The following CAGE1 variants were observed in gnomAD, a reference collection of about 807,000 sequenced individuals.
The protein encoded by CAGE1 is cancer-associated gene 1 protein.
In CAGE1, 66 loss-of-function variants were observed where a neutral mutation model predicts 94.9. The ratio of observed to expected loss-of-function variants is 0.70; its 90% CI spans 0.57 to 0.85. The LOEUF (loss-of-function observed/expected upper bound fraction) is 0.85. Among genes scored for constraint, CAGE1 ranks in the 40% least tolerant of loss-of-function variants. The pLI is 0.00. For synonymous variants in CAGE1, 319 were observed against 321.0 expected (o/e 0.99, Z 0.07); for missense variants, 865 against 950.4 (o/e 0.91, Z 1.18).
rs377555769 is a variant in CAGE1, at chr6:7,378,817, C to T, written c.487G>A (p.Glu163Lys). ...ACACTAGTTTCCATTGGATTTTCTT[C>T]CTTAAATGAGTCTTGCTTTATATTG... ...DNNIKQDSFK[E>K]ENPMETSVSA... The change falls in exon 4 of 14, where the codon GAA becomes AAA. Residue 163 changes from glutamate (E) to lysine (K), a missense_variant. Physicochemically the swap from Glu to Lys is moderately conservative, Grantham distance 56 (BLOSUM62 1). Transcript: ENST00000502583. The T allele has an allele frequency of 4.4e-5, 71 of 1,613,296 alleles. No individual in the cohort carries two copies. The South Asian group carries it at 4.9e-4, about 11-fold the overall frequency.
At chr6:7,384,464 T>C (rs1343794932) in intron 3 of CAGE1, among the ~76,000 whole-genome samples, 1 of 152,184 alleles carries the variant, frequency 6.6e-6, no homozygotes, top group Non-Finnish European at 1.5e-5. Context: ...AGATTTACTT[T>C]AATAAACATG....
chr6:7,386,365 T>C (rs1490689530), intron 2 of CAGE1, among the ~76,000 whole-genome samples: 1 of 152,224 alleles, frequency 6.6e-6, no homozygotes, highest in East Asian at 1.9e-4. Context: ...CATTACAATC[T>C]TTTATTTTTT....
intron 11 of CAGE1, among the ~76,000 whole-genome samples, chr6:7,338,596 G>T (rs576389148): frequency 4.3e-4 from 65 of 152,092 alleles, no homozygotes; most frequent in African/African-American, 1.5e-3. Context: ...GCTATATAAG[G>T]TAACATTCAC....
chr6:7,380,070 C>A lies in CAGE1; in HGVS notation c.284-1050G>T, dbSNP rs149424649. Among the ~76,000 whole-genome samples, 629 of 152,294 alleles carry A rather than the reference C, an allele frequency of 4.1e-3. 3 individuals are homozygous for A. The highest frequency in any genetic ancestry group is 0.014 in the African/African-American group (591 of 41,566). On this transcript the variant is annotated intron_variant, in intron 3 of 13. Transcript: ENST00000502583. Reference sequence around the variant, plus strand: ...AGATTGGAGACCACCACTCTCACTTCCTATTCCACAATGATTTTCATACGG... The same window carrying A: ...AGATTGGAGACCACCACTCTCACTTACTATTCCACAATGATTTTCATACGG...
chr6:7,345,555 C>T (rs1378396109), intron 11 of CAGE1, among the ~76,000 whole-genome samples: 1 of 152,226 alleles, frequency 6.6e-6, no homozygotes, highest in East Asian at 1.9e-4. Flanking sequence ...AAGTAGTTTT[C>T]TTTCAGCCTT....
chr6:7,337,533 A>G (rs984349889), intron 11 of CAGE1, among the ~76,000 whole-genome samples: 1 of 152,070 alleles, frequency 6.6e-6, no homozygotes, highest in Admixed American at 6.6e-5. Flanking sequence ...TTTTGAGTTT[A>G]CTTCGTATGT....
chr6:7,367,549 A>G (rs530287266), intron 7 of CAGE1, among the ~76,000 whole-genome samples: 1 of 152,140 alleles, frequency 6.6e-6, no homozygotes, highest in African/African-American at 2.4e-5. Flanking sequence ...TGCTGGGATT[A>G]CAGGCATGAG....
chr6:7,341,730 G>A, intron 11 of CAGE1: 1 of 695,472 alleles, frequency 1.4e-6, no homozygotes, highest in Non-Finnish European at 2.7e-6. Context: ...CAGGCGCCAG[G>A]AAGGCCTCGC....
intron 12 of CAGE1, chr6:7,331,507 C>T: frequency 2.4e-6 from 1 of 415,754 alleles, no homozygotes; most frequent in Non-Finnish European, 4.5e-6. Context: ...ACACCAGTCT[C>T]AATGTCTCTG....
At chr6:7,365,083 A>G (rs1207264832) in intron 9 of CAGE1, among the ~76,000 whole-genome samples, 1 of 152,174 alleles carries the variant, frequency 6.6e-6, no homozygotes, top group Non-Finnish European at 1.5e-5. Flanking sequence ...TATCTTTACA[A>G]TACCATCTAA....
intron 12 of CAGE1, 134 bp downstream of exon 12, chr6:7,333,888 G>C: frequency 1.9e-6 from 1 of 526,628 alleles, no homozygotes; most frequent in East Asian, 3.8e-5. Context: ...GGCTGGTCTC[G>C]AACTCCTGAC....
At chr6:7,332,760 C>G (rs1758800164) in intron 12 of CAGE1, among the ~76,000 whole-genome samples, 1 of 152,154 alleles carries the variant, frequency 6.6e-6, no homozygotes, top group Non-Finnish European at 1.5e-5. Context: ...TCCCTACTCT[C>G]CATACTTTTA....
intron 11 of CAGE1, among the ~76,000 whole-genome samples, chr6:7,344,175 C>T (rs1759310420): frequency 6.6e-6 from 1 of 152,184 alleles, no homozygotes; most frequent in Non-Finnish European, 1.5e-5. Context: ...CTGGGCTGGC[C>T]ACGGCCAGAG....
At chr6:7,370,835 A>T (rs957403629) in intron 5 of CAGE1, among the ~76,000 whole-genome samples, 29 of 152,330 alleles carry the variant, frequency 1.9e-4, no homozygotes, top group Middle Eastern at 3.4e-3. Flanking sequence ...AAAAAGGGCA[A>T]TAATGTCTTA....
chr6:7,358,709 G>C (rs1168396906), intron 9 of CAGE1, among the ~76,000 whole-genome samples: 4 of 152,150 alleles, frequency 2.6e-5, no homozygotes. Flanking sequence ...GCTAGGGCTG[G>C]TGATGTGCAC....
intron 12 of CAGE1, among the ~76,000 whole-genome samples, chr6:7,331,085 A>G (rs76437121): frequency 0.051 from 7,703 of 152,264 alleles, 347 homozygotes; most frequent in African/African-American, 0.12. Flanking sequence ...TAGTTAACCT[A>G]TCACTTGCAA....
chr6:7,364,478 T>A (rs1005320128), intron 9 of CAGE1, among the ~76,000 whole-genome samples: 6 of 152,182 alleles, frequency 3.9e-5, no homozygotes, highest in African/African-American at 1.4e-4. Context: ...TGTTTGTTTG[T>A]TTGTTTTTGA....
intron 6 of CAGE1, 93 bp downstream of exon 6, chr6:7,369,826 C>T: frequency 8.0e-7 from 1 of 1,252,630 alleles, no homozygotes; most frequent in Non-Finnish European, 1.1e-6. Flanking sequence ...TTTTCTTCTT[C>T]CACAACTTAA....
intron 11 of CAGE1, among the ~76,000 whole-genome samples, chr6:7,352,847 G>C (rs559002362): frequency 6.6e-6 from 1 of 152,284 alleles, no homozygotes; most frequent in Admixed American, 6.5e-5. Flanking sequence ...GCTGCATCTA[G>C]GAGAATAAAA....
Sources: allele counts gnomAD v4.1 joint callset (sites outside exome capture counted in the v4.1 genomes callset), GRCh38; gene constraint gnomAD v4.1.1; transcripts MANE v1.5; gene names NCBI Gene and HGNC (gene_info 2026-07-23, HGNC 2026-07-21).